Variants in COX17 observed in about 807,000 individuals in gnomAD.
COX17 encodes cytochrome c oxidase copper chaperone.
A neutral mutation model predicts 6.3 loss-of-function variants in COX17; 1 was observed. The ratio of observed to expected loss-of-function variants is 0.16; its 90% CI spans 0.06 to 0.75. The LOEUF (loss-of-function observed/expected upper bound fraction) is 0.75. Among genes scored for constraint, COX17 ranks in the 30% least tolerant of loss-of-function variants. The pLI is 0.77. For synonymous variants in COX17, 26 were observed against 30.5 expected (o/e 0.85, Z 0.49); for missense variants, 73 against 81.2 (o/e 0.90, Z 0.39).
chr3:119,675,996 AGT>A (rs1454601847), intron 1 of COX17, among the ~76,000 whole-genome samples: 3 of 152,262 alleles, frequency 2.0e-5, no homozygotes, highest in African/African-American at 4.8e-5. Flanking sequence ...TGCCTGGGAT[AGT>A]GAGATCATTG....
At chr3:119,676,399 G>C (rs572630885) in intron 1 of COX17, among the ~76,000 whole-genome samples, 8 of 152,182 alleles carry the variant, frequency 5.3e-5, no homozygotes, top group Non-Finnish European at 1.0e-4. Flanking sequence ...TACTATCTGG[G>C]AAGACAAAAG....
Position 119,677,364 on chromosome 3 carries a change from GGCAAA to G in COX17, c.-59_-55del. ...AGACAGCCAAATCTATGCCAGCCTCGGCAAACGCCGATTCGTCCGCAGTCACTTCC... is the reference window on the plus strand; with the variant it reads ...AGACAGCCAAATCTATGCCAGCCTCGCGCCGATTCGTCCGCAGTCACTTCC... On this transcript the variant is annotated 5_prime_UTR_variant, in exon 1 of 3. Coordinates refer to ENST00000261070, the MANE Select transcript of COX17 (RefSeq NM_005694.2). 3 of 1,434,074 alleles carry G rather than the reference GGCAAA, an allele frequency of 2.1e-6. No individual in the cohort carries two copies. The highest frequency in any genetic ancestry group is 2.3e-5 in the East Asian group (1 of 42,586). 88.8% of individuals were successfully genotyped at this position (1,434,074 alleles called of 1,614,324 possible).
At chr3:119,677,076 GGC>G in intron 1 of COX17, 126 bp downstream of exon 1, 1 of 553,628 alleles carries the variant, frequency 1.8e-6, no homozygotes, top group Non-Finnish European at 3.3e-6. Context: ...GAAGGAAGAG[GGC>G]AGAGGGCAGA....
rs746738765 is a variant in COX17, at chr3:119,675,264, TATGC to T, written c.108-35_108-32del. The stretch of plus-strand genomic sequence containing the variant: ...AAACAAAATGTACTTGTTATCTAAA[TATGC>T]ATTAAGCACATTATTAAGTATGCAT... On this transcript the variant is annotated intron_variant, in intron 1 of 2. Coordinates refer to ENST00000261070, the MANE Select transcript of COX17 (RefSeq NM_005694.2). 3.7e-5 allele frequency: 54 copies of T among 1,463,914 alleles called. No homozygotes were observed. In the Admixed American group the frequency reaches 8.5e-4, roughly 23 times the overall value. 90.7% of individuals were successfully genotyped at this position (1,463,914 alleles called of 1,614,324 possible).
downstream of COX17, among the ~76,000 whole-genome samples, chr3:119,666,561 ACT>A (rs2052994271): frequency 6.6e-6 from 1 of 152,236 alleles, no homozygotes; most frequent in African/African-American, 2.4e-5. Context: ...TCACACATGC[ACT>A]GTTTAGGAAA....
chr3:119,675,255 T>G, intron 1 of COX17, 22 bp from the exon 2 acceptor site: 12 of 1,540,778 alleles, frequency 7.8e-6, no homozygotes, highest in Non-Finnish European at 1.1e-5. Flanking sequence ...AATGTACTTG[T>G]TATCTAAATA....
chr3:119,668,705 T>A (rs563848277), downstream of COX17, among the ~76,000 whole-genome samples: 8 of 152,164 alleles, frequency 5.3e-5, no homozygotes, highest in Middle Eastern at 3.4e-3. Context: ...GCTCCTTATT[T>A]TATAAAGGAG....
At chr3:119,665,057 A>T (rs114968427), downstream of COX17, among the ~76,000 whole-genome samples, 3,236 of 152,246 alleles carry the variant, frequency 0.021, 45 homozygotes, top group Middle Eastern at 0.071. Flanking sequence ...TTGCTTGGGT[A>T]ATATGTTAAG....
chr3:119,664,898 G>T (rs1394562464), downstream of COX17, among the ~76,000 whole-genome samples: 1 of 152,174 alleles, frequency 6.6e-6, no homozygotes, highest in Non-Finnish European at 1.5e-5. Context: ...TGAGCTTGGG[G>T]TTAACACTTT....
chr3:119,670,898 A>C (rs7613999), intron 2 of COX17, among the ~76,000 whole-genome samples: 1 of 151,768 alleles, frequency 6.6e-6, no homozygotes, highest in Non-Finnish European at 1.5e-5. Flanking sequence ...TTAGTCTCCA[A>C]AATAGGTTCT....
rs1333959477 is a variant in COX17 at position 119,677,233 on chromosome 3, G to C, written c.78C>G (p.Cys26Trp). The change falls in exon 1 of 3, where the codon TGC becomes TGG. Residue 26 changes from cysteine to tryptophan, a missense_variant. Physicochemically the swap from Cys to Trp is radical, Grantham distance 215. Coordinates refer to ENST00000261070, the MANE Select transcript of COX17 (RefSeq NM_005694.2). ...CATCGCGCGCCTTCTTGGTCTCCGG[G>C]CAAGCGCAGCAGGGCTTCAGCGGCT... ...EKKPLKPCCACPETKKARDAC... is the reference protein window; with the variant it reads ...EKKPLKPCCAWPETKKARDAC... 6.2e-7 allele frequency: 1 copy of C among 1,611,690 alleles called. No homozygotes were observed. The highest frequency in any genetic ancestry group is 1.3e-5 in the African/African-American group (1 of 74,864).
At chr3:119,676,834 C>CT (rs2053105196) in intron 1 of COX17, 1 of 702,734 alleles carries the variant, frequency 1.4e-6, no homozygotes, top group African/African-American at 1.7e-5. Context: ...TAACGCAGTG[C>CT]TTAACCCATA....
downstream of COX17, among the ~76,000 whole-genome samples, chr3:119,667,631 G>A (rs1290744498): frequency 6.8e-6 from 1 of 146,880 alleles, no homozygotes; most frequent in Non-Finnish European, 1.5e-5. Context: ...TCCATAAGGA[G>A]ACTTCTATTG....
chr3:119,674,935 A>G, intron 2 of COX17: 1 of 512,870 alleles, frequency 1.9e-6, no homozygotes, highest in Non-Finnish European at 3.5e-6. Context: ...CCCTTTCTTA[A>G]AAGCTCAATT....
chr3:119,665,695 C>A (rs765017515), downstream of COX17, among the ~76,000 whole-genome samples: 1 of 152,192 alleles, frequency 6.6e-6, no homozygotes, highest in Non-Finnish European at 1.5e-5. Context: ...CTTGAAAGCA[C>A]CACTGAGCCA....
At chr3:119,665,972 C>T (rs1047105757), downstream of COX17, among the ~76,000 whole-genome samples, 2 of 152,210 alleles carry the variant, frequency 1.3e-5, no homozygotes, top group African/African-American at 4.8e-5. Flanking sequence ...AGAGGAATTC[C>T]TCCATAAACT....
chr3:119,665,981 C>T (rs2052989126), downstream of COX17, among the ~76,000 whole-genome samples: 1 of 152,200 alleles, frequency 6.6e-6, no homozygotes, highest in Non-Finnish European at 1.5e-5. Context: ...CCTCCATAAA[C>T]TCAATTTGAC....
chr3:119,675,325 T>C (rs2053088912), intron 1 of COX17, 92 bp from the exon 2 acceptor site: 3 of 832,250 alleles, frequency 3.6e-6, no homozygotes, highest in East Asian at 2.5e-5. Flanking sequence ...AAAACACGGG[T>C]ATAATGGAAT....
chr3:119,664,567 C>G (rs930163018), downstream of COX17, among the ~76,000 whole-genome samples: 1 of 152,190 alleles, frequency 6.6e-6, no homozygotes, highest in Non-Finnish European at 1.5e-5. Context: ...GAGCAGCAGA[C>G]AAGAGGCAGG....
Sources: allele counts gnomAD v4.1 joint callset (sites outside exome capture counted in the v4.1 genomes callset), GRCh38; gene constraint gnomAD v4.1.1; transcripts MANE v1.5; gene names NCBI Gene and HGNC (gene_info 2026-07-23, HGNC 2026-07-21).